Variants in HCK observed in about 807,000 individuals in gnomAD.
The protein encoded by HCK is HCK proto-oncogene, Src family tyrosine kinase, also known as tyrosine-protein kinase HCK.
A neutral mutation model predicts 70.4 loss-of-function variants in HCK; 40 were observed. That is an observed-to-expected ratio of 0.57 (90% CI 0.44 to 0.74). The LOEUF (loss-of-function observed/expected upper bound fraction) is 0.74. HCK is among the 30% of genes least tolerant of loss of function. The probability of loss-of-function intolerance (pLI) is 0.00; values close to 1 mark genes in which losing one functional copy is unlikely to be tolerated. For missense variants in HCK, 568 were observed against 697.2 expected (o/e 0.81, Z 2.09); for synonymous variants, 245 against 263.2 (o/e 0.93, Z 0.67).
intron 1 of HCK, among the ~76,000 whole-genome samples, chr20:32,065,176 C>T (rs2045437870): frequency 6.6e-6 from 1 of 152,230 alleles, no homozygotes; most frequent in Non-Finnish European, 1.5e-5. Context: ...CTCAAGTATT[C>T]TGACTCCCAA....
intron 1 of HCK, among the ~76,000 whole-genome samples, chr20:32,053,578 C>G (rs1046744633): frequency 7.8e-6 from 1 of 128,448 alleles, no homozygotes; most frequent in Non-Finnish European, 1.5e-5. Flanking sequence ...GTGGAGGTTG[C>G]GGTGAGCCGA....
intron 1 of HCK, among the ~76,000 whole-genome samples, chr20:32,064,602 T>C (rs371490082): frequency 2.0e-5 from 3 of 152,330 alleles, no homozygotes; most frequent in East Asian, 3.9e-4. Flanking sequence ...ATAGCAGAGA[T>C]GGGACCACAA....
intron 5 of HCK, among the ~76,000 whole-genome samples, chr20:32,077,917 T>A (rs1001002264): frequency 3.3e-5 from 5 of 152,214 alleles, no homozygotes; most frequent in Non-Finnish European, 7.3e-5. Flanking sequence ...TTAAGTTGTT[T>A]CCAGTCATGT....
In HCK at chr20:32,084,021, G is replaced by A; in HGVS notation, c.660G>A (p.Gln220=). ...CCCGAAGCACCTTCAGCACTCTGCAGGAGCTGGTGGACCACTACAAGAGTG... is the reference window on the plus strand; with the variant it reads ...CCCGAAGCACCTTCAGCACTCTGCAAGAGCTGGTGGACCACTACAAGAGTG... Residue 220 remains glutamine, a synonymous_variant, in exon 7 of 13, where the codon CAG becomes CAA. Coordinates refer to ENST00000375852, the MANE Select transcript of HCK (RefSeq NM_002110.5). 6.2e-7 allele frequency: 1 copy of A among 1,613,940 alleles called. No homozygotes were observed. The highest frequency in any genetic ancestry group is 8.5e-7 in the Non-Finnish European group (1 of 1,180,032).
intron 7 of HCK, 133 bp downstream of exon 7, chr20:32,084,176 T>C: frequency 1.8e-6 from 2 of 1,119,342 alleles, no homozygotes; most frequent in South Asian, 1.5e-5. Flanking sequence ...CTTTGGATGC[T>C]TCTGAAGGCT....
At chr20:32,075,391 G>C (rs1158836996) in intron 5 of HCK, among the ~76,000 whole-genome samples, 1 of 151,890 alleles carries the variant, frequency 6.6e-6, no homozygotes, top group East Asian at 1.9e-4. Context: ...TTGGTAGAGA[G>C]GGGGTCTCTC....
chr20:32,055,860 A>G (rs963711286), intron 1 of HCK, among the ~76,000 whole-genome samples: 7 of 152,172 alleles, frequency 4.6e-5, no homozygotes, highest in African/African-American at 1.7e-4. Flanking sequence ...GCAACCACCA[A>G]TCTGCTTTTT....
Position 32,052,409 on chromosome 20 carries a change from C to T in HCK, c.-16C>T, listed in dbSNP as rs2045185374. The T allele has an allele frequency of 1.4e-5, 18 of 1,288,860 alleles. No homozygotes were observed. The highest frequency in any genetic ancestry group is 1.8e-5 in the Non-Finnish European group (18 of 1,008,676). 79.8% of individuals were successfully genotyped at this position (1,288,860 alleles called of 1,614,324 possible). On this transcript the variant is annotated 5_prime_UTR_variant, in exon 1 of 13. Coordinates refer to ENST00000375852, the MANE Select transcript of HCK (RefSeq NM_002110.5). ...TTTCCCGGCACTGGCACCCCGGAAC[C>T]TCAGGGGCTGCCGAGCTGGGGGGGC...
At chr20:32,074,800 C>A (rs1436896496) in intron 5 of HCK, 79 bp downstream of exon 5, 7 of 905,618 alleles carry the variant, frequency 7.7e-6, no homozygotes, top group African/African-American at 4.9e-5. Context: ...CGTCTGCACA[C>A]ACTGTACCAC....
intron 1 of HCK, among the ~76,000 whole-genome samples, chr20:32,055,558 A>T (rs1466638197): frequency 6.6e-6 from 1 of 152,246 alleles, no homozygotes; most frequent in African/African-American, 2.4e-5. Context: ...TTAAATTTTT[A>T]GTGGCTGCAT....
intron 6 of HCK, 39 bp downstream of exon 6, chr20:32,079,916 G>T (rs776701171): frequency 1.4e-6 from 2 of 1,459,562 alleles, no homozygotes; most frequent in Non-Finnish European, 1.9e-6. Flanking sequence ...CCCTGCCGAG[G>T]TGCCCCAGCT....
At chr20:32,094,791 A>AAGAAAGAAAGAGAGAGAAAG (rs1569010434) in intron 11 of HCK, among the ~76,000 whole-genome samples, 20 of 21,744 alleles carry the variant, frequency 9.2e-4, no homozygotes, top group African/African-American at 1.6e-3. Flanking sequence ...GAGAAAGAGA[A>AAGAAAGAAAGAGAGAGAAAG]AGAAAGAAAG....
At chr20:32,052,796 G>GGGGGT (rs1568945704) in intron 1 of HCK, among the ~76,000 whole-genome samples, 1 of 110,986 alleles carries the variant, frequency 9.0e-6, no homozygotes, top group Non-Finnish European at 1.7e-5. Flanking sequence ...GGGGGGCGGG[G>GGGGGT]ATTTTTTTTT....
intron 1 of HCK, among the ~76,000 whole-genome samples, chr20:32,065,193 C>T (rs1002895786): frequency 5.9e-5 from 9 of 152,198 alleles, no homozygotes; most frequent in Non-Finnish European, 1.5e-5. Context: ...CCAAGTTCAG[C>T]CTTCATTCTG....
intron 1 of HCK, among the ~76,000 whole-genome samples, chr20:32,052,731 C>T (rs1210023251): frequency 6.7e-6 from 1 of 148,702 alleles, no homozygotes; most frequent in Non-Finnish European, 1.5e-5. Flanking sequence ...CGCTCGGGCC[C>T]GTGCAGTGAC....
intron 11 of HCK, among the ~76,000 whole-genome samples, chr20:32,094,743 A>AAGAAAGAG (rs2045916117): frequency 7.3e-6 from 1 of 136,402 alleles, no homozygotes; most frequent in African/African-American, 2.8e-5. Context: ...GAAAGAAAGA[A>AAGAAAGAG]AGAAAGAAAG....
At position 32,079,858 on chromosome 20, in the gene HCK, G is replaced by T. The variant is rs866132811; in HGVS notation, c.513G>T (p.Arg171=). The T allele has an allele frequency of 6.2e-7, 1 of 1,613,412 alleles. No homozygotes were observed. The highest frequency in any genetic ancestry group is 8.5e-7 in the Non-Finnish European group (1 of 1,179,488). Residue 171 remains arginine, a synonymous_variant, in exon 6 of 13, where the codon CGG becomes CGT. Coordinates refer to ENST00000375852, the MANE Select transcript of HCK (RefSeq NM_002110.5). ...ACATGCTGGGCTCCTTCATGATCCG[G>T]GATAGCGAGACCACTAAAGGTGACA...
chr20:32,094,751 A>AAGATAGAG (rs1327921414), intron 11 of HCK, among the ~76,000 whole-genome samples: 3 of 87,920 alleles, frequency 3.4e-5, no homozygotes, highest in Non-Finnish European at 6.7e-5. Flanking sequence ...GAAAGAAAGA[A>AAGATAGAG]AGAAAGAAAG....
intron 2 of HCK, among the ~76,000 whole-genome samples, chr20:32,072,834 C>A (rs1299622854): frequency 6.6e-6 from 1 of 152,024 alleles, no homozygotes; most frequent in Non-Finnish European, 1.5e-5. Flanking sequence ...CTCAAGAAAC[C>A]TGGATCCTGG....
Sources: gnomAD v4.1 joint callset for allele counts (sites outside exome capture counted in the v4.1 genomes callset) on GRCh38, gnomAD v4.1.1 for gene constraint, MANE v1.5 for transcripts, NCBI Gene and HGNC (gene_info 2026-07-23, HGNC 2026-07-21) for gene names.